The following LIPA variants were observed in gnomAD, a reference collection of about 807,000 sequenced individuals.
LIPA encodes the protein lysosomal acid lipase/cholesteryl ester hydrolase.
LIPA carries 26 observed loss-of-function variants against 40.6 expected under a neutral mutation model. The observed-to-expected ratio is 0.64, with a 90% CI of 0.47 to 0.89. LIPA has a LOEUF of 0.89. Ranked by LOEUF, LIPA falls within the 40% of genes least tolerant of loss-of-function variation. LIPA has a pLI of 0.00. For synonymous variants in LIPA, 188 were observed against 168.4 expected (o/e 1.12, Z -0.90); for missense variants, 455 against 479.6 (o/e 0.95, Z 0.48).
intron 1 of LIPA, among the ~76,000 whole-genome samples, chr10:89,289,741 A>G (rs1253258391): frequency 1.3e-5 from 2 of 152,142 alleles, no homozygotes; most frequent in African/African-American, 4.8e-5. Flanking sequence ...GAACGGATAG[A>G]AGATCTTTGG....
chr10:89,290,559 C>A (rs955084002), intron 1 of LIPA, among the ~76,000 whole-genome samples: 9 of 152,234 alleles, frequency 5.9e-5, no homozygotes, highest in African/African-American at 2.2e-4. Context: ...ACGTATAAAT[C>A]CAGATGGCCT....
chr10:89,314,553 A>C (rs1843532449), intron 1 of LIPA: 1 of 152,238 alleles, frequency 6.6e-6, no homozygotes, highest in East Asian at 1.9e-4. Context: ...CTGCAGTCCC[A>C]ACTATTCGGG....
chr10:89,260,291 C>T (rs931989400), intron 1 of LIPA, among the ~76,000 whole-genome samples: 10 of 152,136 alleles, frequency 6.6e-5, no homozygotes, highest in Non-Finnish European at 1.3e-4. Context: ...GAATTTAACC[C>T]ATTTTCATTC....
At chr10:89,354,049 C>A (rs1450015662) in intron 2 of LIPA, among the ~76,000 whole-genome samples, 2 of 152,196 alleles carry the variant, frequency 1.3e-5, no homozygotes, top group Non-Finnish European at 2.9e-5. Flanking sequence ...GCCTCAATCT[C>A]TCTCTTTGCC....
At chr10:89,268,693 C>T (rs1446009756) in intron 1 of LIPA, among the ~76,000 whole-genome samples, 1 of 152,164 alleles carries the variant, frequency 6.6e-6, no homozygotes. Context: ...CAATGATTTA[C>T]TTTAAATCAT....
chr10:89,289,629 G>C (rs962465198), intron 1 of LIPA, among the ~76,000 whole-genome samples: 2 of 151,920 alleles, frequency 1.3e-5, no homozygotes, highest in Non-Finnish European at 2.9e-5. Context: ...GTCTAATAAC[G>C]AACCGGCCTT....
At chr10:89,378,533 C>T (rs1844139129) in intron 2 of LIPA, among the ~76,000 whole-genome samples, 1 of 152,154 alleles carries the variant, frequency 6.6e-6, no homozygotes, top group Non-Finnish European at 1.5e-5. Context: ...TCACTGACAA[C>T]CTCAAGCAGA....
chr10:89,400,153 T>G lies in LIPA; in HGVS notation c.61+12638A>C, dbSNP rs304485. Among the ~76,000 whole-genome samples, 641 of 152,154 alleles carry G rather than the reference T, an allele frequency of 4.2e-3. 4 individuals are homozygous for G. The highest frequency in any genetic ancestry group is 0.015 in the African/African-American group (612 of 41,538). On this transcript the variant is annotated intron_variant, in intron 2 of 8. Transcript: ENST00000371837. ...GGTCTATACATCTGTCTTTATACCA[T>G]TGTTGTAATATTGTGATTACTGTAG...
chr10:89,354,147 G>A (rs772199625), intron 2 of LIPA, among the ~76,000 whole-genome samples: 10 of 152,156 alleles, frequency 6.6e-5, no homozygotes, highest in Non-Finnish European at 1.3e-4. Flanking sequence ...CTAACCAAAT[G>A]ACTATTCCTC....
intron 1 of LIPA, among the ~76,000 whole-genome samples, chr10:89,250,839 A>C (rs1843108939): frequency 6.6e-6 from 1 of 152,128 alleles, no homozygotes; most frequent in African/African-American, 2.4e-5. Flanking sequence ...ATACTCTGAA[A>C]ATCTCGAAGG....
At chr10:89,349,744 A>T (rs1404463233) in intron 2 of LIPA, among the ~76,000 whole-genome samples, 1 of 152,198 alleles carries the variant, frequency 6.6e-6, no homozygotes, top group Admixed American at 6.5e-5. Flanking sequence ...TTCAACAGGG[A>T]TTATAAATCA....
intron 1 of LIPA, among the ~76,000 whole-genome samples, chr10:89,250,741 C>T (rs1310221173): frequency 3.3e-5 from 5 of 152,104 alleles, no homozygotes; most frequent in Non-Finnish European, 7.4e-5. Context: ...AAAATCTCAC[C>T]CAGTTAAGTT....
intron 1 of LIPA, among the ~76,000 whole-genome samples, chr10:89,341,509 A>G (rs555239859): frequency 2.0e-5 from 3 of 152,358 alleles, no homozygotes; most frequent in East Asian, 3.9e-4. Context: ...TCTAGTCACA[A>G]AGGTGTAAAC....
chr10:89,285,538 G>A (rs905053186), intron 1 of LIPA, among the ~76,000 whole-genome samples: 14 of 152,254 alleles, frequency 9.2e-5, no homozygotes, highest in South Asian at 4.1e-4. Flanking sequence ...TCTGATCACC[G>A]TGGGGATGCC....
Position 89,297,424 on chromosome 10 carries a change from C to T in LIPA, c.-2+45187G>A, listed in dbSNP as rs79371833. ...GAATTACATCCTATCCTGGGAACCG[C>T]AGCTCCCATATCTCCATATCCCAGG... is the stretch of plus-strand genomic sequence containing the variant. On this transcript the variant is annotated intron_variant, in intron 1 of 5. Transcript: ENST00000282673. Among the ~76,000 whole-genome samples, 922 of 152,236 alleles carry T rather than the reference C, an allele frequency of 6.1e-3. 17 individuals carry two copies. The highest frequency in any genetic ancestry group is 0.039 in the East Asian group (202 of 5,184).
intron 1 of LIPA, among the ~76,000 whole-genome samples, chr10:89,328,621 T>C (rs1400108169): frequency 6.6e-6 from 1 of 152,250 alleles, no homozygotes; most frequent in African/African-American, 2.4e-5. Flanking sequence ...AACGTTGCAT[T>C]ACTTTAAGGT....
At chr10:89,410,313 T>A (rs1286264085) in intron 2 of LIPA, among the ~76,000 whole-genome samples, 1 of 152,198 alleles carries the variant, frequency 6.6e-6, no homozygotes, top group Non-Finnish European at 1.5e-5. Context: ...GAGGGACCAG[T>A]GCTTCAAATA....
intron 3 of LIPA, among the ~76,000 whole-genome samples, chr10:89,232,539 C>T (rs560783881): frequency 6.6e-6 from 1 of 152,314 alleles, no homozygotes; most frequent in East Asian, 1.9e-4. Flanking sequence ...CATGGGACTG[C>T]CTAGTCTACT....
chr10:89,274,065 A>G (rs912946040), intron 1 of LIPA, among the ~76,000 whole-genome samples: 3 of 152,252 alleles, frequency 2.0e-5, no homozygotes, highest in Non-Finnish European at 2.9e-5. Context: ...CATTATAGAC[A>G]TAAGTCACAT....
Sources: gnomAD v4.1 joint callset for allele counts (sites outside exome capture counted in the v4.1 genomes callset) on GRCh38, gnomAD v4.1.1 for gene constraint, MANE v1.5 for transcripts, NCBI Gene and HGNC (gene_info 2026-07-23, HGNC 2026-07-21) for gene names.